Variants in ERCC1 observed in about 807,000 individuals in gnomAD.
The protein encoded by ERCC1 is ERCC excision repair 1, endonuclease non-catalytic subunit.
A neutral mutation model predicts 37.6 loss-of-function variants in ERCC1; 36 were observed. The ratio of observed to expected loss-of-function variants is 0.96; its 90% CI spans 0.73 to 1.26. ERCC1 has a LOEUF of 1.26. Among genes scored for constraint, ERCC1 ranks in the 50% most tolerant of loss-of-function variants. The probability of loss-of-function intolerance (pLI) is 0.00; values close to 1 mark genes in which losing one functional copy is unlikely to be tolerated. For missense variants in ERCC1, 349 were observed against 376.5 expected (o/e 0.93, Z 0.60); for synonymous variants, 156 against 162.1 (o/e 0.96, Z 0.28).
At chr19:45,445,679 G>T (rs2123616614) in intron 1 of ERCC1, among the ~76,000 whole-genome samples, 1 of 152,170 alleles carries the variant, frequency 6.6e-6, no homozygotes, top group East Asian at 1.9e-4. Context: ...AGACATGTCT[G>T]GTGTGTTGGA....
chr19:45,422,828 C>T (rs1974521494), intron 2 of ERCC1, among the ~76,000 whole-genome samples: 1 of 152,082 alleles, frequency 6.6e-6, no homozygotes, highest in Non-Finnish European at 1.5e-5. Context: ...ACATCCTTAG[C>T]CCACTTTCCT....
intron 1 of ERCC1, among the ~76,000 whole-genome samples, chr19:45,445,008 T>C (rs966750118): frequency 6.6e-6 from 1 of 152,038 alleles, no homozygotes; most frequent in Non-Finnish European, 1.5e-5. Context: ...ATTCAACCGA[T>C]TTTTTGTTGT....
chr19:45,441,161 A>G (rs1053130827), intron 1 of ERCC1, among the ~76,000 whole-genome samples: 12 of 152,298 alleles, frequency 7.9e-5, no homozygotes, highest in African/African-American at 2.9e-4. Context: ...GAGATCATCT[A>G]AGGGCCTCCC....
rs2123466423 is a variant in ERCC1 at position 45,413,710 on chromosome 19, ATCT to A, written c.807_809del (p.Glu269del). On this transcript the variant is annotated inframe_deletion, in exon 9 of 10. Transcript: ENST00000300853. ...GGCCCAGGCCTGGGCATAAGGCCAG[ATCT>A]TCTCTTGATGCGGCGATGAGCTGTT... 1.2e-6 allele frequency: 2 copies of A among 1,614,000 alleles called. No individual in the cohort carries two copies. The highest frequency in any genetic ancestry group is 1.7e-6 in the Non-Finnish European group (2 of 1,180,034).
rs997264148 is a variant in ERCC1, at chr19:45,408,442, C to T, written c.*1233G>A. On this transcript the variant is annotated 3_prime_UTR_variant, in exon 10 of 10. Transcript: ENST00000300853. Reference sequence around the variant, plus strand: ...GTGCCTTTGGGGGCAACCCACCAGTCACAGGGCCTAGGTCAGCCTTGGCCC... The same window carrying T: ...GTGCCTTTGGGGGCAACCCACCAGTTACAGGGCCTAGGTCAGCCTTGGCCC... The T allele has an allele frequency of 1.2e-6, 2 of 1,613,712 alleles. No individual in the cohort carries two copies. Among genetic ancestry groups the T allele is most frequent in the Non-Finnish European group, 1.7e-6 (2 of 1,179,928 alleles).
rs369015099 is a variant in ERCC1, at chr19:45,420,350, G to A, written c.399C>T (p.Gly133=). The A allele has an allele frequency of 6.2e-7, 1 of 1,613,248 alleles. No homozygotes were observed. Among genetic ancestry groups the A allele is most frequent in the Non-Finnish European group, 8.5e-7 (1 of 1,179,518 alleles). ...FGDVIPDYVL[G]QSTCALFLSL... ...TGAGGAACAGGGCACAGGTGCTCTG[G>A]CCCAGCACATAGTCGGGAATTACGT... Residue 133 remains glycine (G), a synonymous_variant, in exon 4 of 10, where the codon GGC becomes GGT. Transcript: ENST00000300853. The surrounding 1 kb of genome is among the most constrained non-coding windows in gnomAD (Gnocchi z 4.8).
intron 6 of ERCC1, 78 bp downstream of exon 6, chr19:45,416,743 G>T: frequency 9.2e-7 from 1 of 1,082,110 alleles, no homozygotes; most frequent in Non-Finnish European, 1.4e-6. Flanking sequence ...AGAAGGGAAG[G>T]GCTGGGCAGG....
rs1290890317 is a variant in ERCC1 at position 45,409,724 on chromosome 19, G to A, written c.845C>T (p.Ala282Val). ...GTGCAGGACATCAAACAGCCTCCGG[G>A]CCTGGATGGGAGGGAGAAAAAAATG... ...ALCPGLGPQK[A>V]RRLFDVLHEP... Residue 282 changes from alanine to valine, a missense_variant and splice_region_variant, in exon 10 of 10, where the codon GCC (alanine) becomes GTC (valine). By Grantham distance (64) the Ala-to-Val change is moderately conservative (BLOSUM62 0). Coordinates refer to ENST00000300853, the MANE Select transcript of ERCC1 (RefSeq NM_001983.4). 1.2e-6 allele frequency: 1 copy of A among 831,138 alleles called. No individual in the cohort carries two copies. The highest frequency in any genetic ancestry group is 2.1e-6 in the Non-Finnish European group (1 of 465,870). The allele number at this position is 831,138 out of a possible 1,614,324, so 51.5% of individuals were successfully genotyped here.
chr19:45,427,171 GAAAGGAAAGAA>G (rs1421794254), upstream of ERCC1, among the ~76,000 whole-genome samples: 1 of 151,770 alleles, frequency 6.6e-6, no homozygotes, highest in African/African-American at 2.4e-5. Flanking sequence ...CGAAAGAAAA[GAAAGGAAAGAA>G]AAAGGAAATC....
chr19:45,407,842 G>C lies in ERCC1; in HGVS notation c.*1833C>G. 1 of 299,986 alleles carries C rather than the reference G, an allele frequency of 3.3e-6. No individual in the cohort carries two copies. The highest frequency in any genetic ancestry group is 6.2e-6 in the Non-Finnish European group (1 of 161,460). The allele number at this position is 299,986 out of a possible 1,614,324, so 18.6% of individuals were successfully genotyped here. On this transcript the variant is annotated 3_prime_UTR_variant, in exon 10 of 10. Coordinates refer to ENST00000300853, the MANE Select transcript of ERCC1 (RefSeq NM_001983.4). ...AGGCCGAGGCGAGCAGATCACTTGA[G>C]GTCAGGAGTTCAAGACCAGCCTGGC...
intron 1 of ERCC1, among the ~76,000 whole-genome samples, chr19:45,434,328 C>CAA (rs61587027): frequency 0.02 from 2,831 of 138,252 alleles, 39 homozygotes; most frequent in Non-Finnish European, 0.031. Context: ...CCAAAAAATA[C>CAA]AAAAAAAAAA....
At chr19:45,418,498 C>T (rs906830008) in intron 5 of ERCC1, among the ~76,000 whole-genome samples, 31 of 151,842 alleles carry the variant, frequency 2.0e-4, no homozygotes, top group African/African-American at 7.2e-4. Context: ...CCAGCCTGGG[C>T]GACAGAGGAG....
chr19:45,412,332 T>C (rs8099946), intron 9 of ERCC1, among the ~76,000 whole-genome samples: 15,420 of 151,934 alleles, frequency 0.1, 1,496 homozygotes, highest in East Asian at 0.3. Flanking sequence ...CTAATTTTTA[T>C]ATTTTTAGTA....
chr19:45,450,904 C>A (rs1256999172), intron 1 of ERCC1, among the ~76,000 whole-genome samples: 31 of 65,208 alleles, frequency 4.8e-4, no homozygotes, highest in African/African-American at 1.7e-3. Flanking sequence ...CCCCCCCCCC[C>A]CACGCCCGCG....
upstream of ERCC1, among the ~76,000 whole-genome samples, chr19:45,428,009 T>A (rs1599850275): frequency 2.0e-5 from 3 of 152,166 alleles, no homozygotes; most frequent in South Asian, 6.2e-4. Flanking sequence ...TCTACGTTAT[T>A]TCCAAGTTGG....
chr19:45,430,179 C>A (rs1974799010), intron 1 of ERCC1, among the ~76,000 whole-genome samples: 1 of 152,196 alleles, frequency 6.6e-6, no homozygotes, highest in African/African-American at 2.4e-5. Context: ...TTGTCCCCAG[C>A]GCTGCCCAGC....
At chr19:45,432,502 G>T (rs1974860233) in intron 1 of ERCC1, among the ~76,000 whole-genome samples, 1 of 151,978 alleles carries the variant, frequency 6.6e-6, no homozygotes, top group African/African-American at 2.4e-5. Flanking sequence ...AGTAAATATT[G>T]ATAGAAATCA....
chr19:45,412,185 T>A (rs1256307333), intron 9 of ERCC1, among the ~76,000 whole-genome samples: 1 of 142,058 alleles, frequency 7.0e-6, no homozygotes, highest in Non-Finnish European at 1.5e-5. Flanking sequence ...TGAGATGGAG[T>A]TTTGCTTCTG....
At position 45,421,255 on chromosome 19, in the gene ERCC1, G is replaced by C; in HGVS notation, c.244C>G (p.Pro82Ala). The change falls in exon 3 of 10, where the codon CCC becomes GCC. Residue 82 changes from proline to alanine, a missense_variant. Physicochemically the swap from Pro to Ala is conservative, Grantham distance 27 (BLOSUM62 -1). Transcript: ENST00000300853. Reference protein sequence around the residue: ...AGATCPTGSEPLAGETPNQAL... With the variant: ...AGATCPTGSEALAGETPNQAL... ...TGGTTGGGCGTCTCTCCTGCCAGGG[G>C]CTCTGACCCTGTGGGGCACGTGGCC... is the stretch of plus-strand genomic sequence containing the variant. The C allele has an allele frequency of 8.1e-6, 13 of 1,614,160 alleles. No homozygotes were observed. The highest frequency in any genetic ancestry group is 1.1e-5 in the Non-Finnish European group (13 of 1,180,010).
Sources: allele counts gnomAD v4.1 joint callset (sites outside exome capture counted in the v4.1 genomes callset), GRCh38; gene constraint gnomAD v4.1.1; non-coding constraint Gnocchi (gnomAD v3.1); transcripts MANE v1.5; gene names NCBI Gene and HGNC (gene_info 2026-07-23, HGNC 2026-07-21).